Variants in RELB observed in about 807,000 individuals in gnomAD.
RELB encodes the protein transcription factor RelB.
A neutral mutation model predicts 55.4 loss-of-function variants in RELB; 14 were observed. That is an observed-to-expected ratio of 0.25 (90% CI 0.17 to 0.40). The LOEUF (loss-of-function observed/expected upper bound fraction) is 0.40. Ranked by LOEUF, RELB falls within the 10% of genes least tolerant of loss-of-function variation. RELB has a pLI of 1.00. For missense variants in RELB, 669 were observed against 830.7 expected, an observed-to-expected ratio of 0.81 and a Z score of 2.39; for synonymous variants, 409 against 371.3, an observed-to-expected ratio of 1.10 and a Z score of -1.17.
intron 2 of RELB, among the ~76,000 whole-genome samples, chr19:45,004,285 C>T (rs1002364369): frequency 6.8e-6 from 1 of 146,170 alleles, no homozygotes; most frequent in Non-Finnish European, 1.5e-5. Flanking sequence ...TACAATGGCG[C>T]GATCTCGGCT....
chr19:45,032,562 C>T lies in RELB; in HGVS notation c.1020C>T (p.Ala340=). Residue 340 remains alanine, a synonymous_variant, in exon 9 of 12, where the codon GCC becomes GCT. Coordinates refer to ENST00000221452, the MANE Select transcript of RELB (RefSeq NM_006509.4). The part of the protein sequence containing the change: ...KEDISVVFSR[A]SWEGRADFSQ... The stretch of plus-strand genomic sequence containing the variant: ...ACATATCAGTGGTGTTCAGCAGGGC[C>T]TCCTGGGAAGGTCGGGCTGACTTCT... The T allele has an allele frequency of 6.2e-7, 1 of 1,613,402 alleles. No homozygotes were observed. Among genetic ancestry groups the T allele is most frequent in the South Asian group, 1.1e-5 (1 of 90,876 alleles).
Position 45,011,937 on chromosome 19 carries a change from G to C in RELB, c.165G>C (p.Glu55Asp). The C allele has an allele frequency of 6.6e-7, 1 of 1,517,450 alleles. No homozygotes were observed. The highest frequency in any genetic ancestry group is 8.8e-7 in the Non-Finnish European group (1 of 1,137,536). 94.0% of individuals were successfully genotyped at this position (1,517,450 alleles called of 1,614,324 possible). Reference sequence around the variant, plus strand: ...CACCCGTTTTTTCTTCTCCCGCAGAGATCATCGACGAGTACATCAAGGAGA... The same window carrying C: ...CACCCGTTTTTTCTTCTCCCGCAGACATCATCGACGAGTACATCAAGGAGA... ...LAVSRSTDEL[E>D]IIDEYIKENG... The change falls in exon 4 of 12, where the codon GAG becomes GAC. Residue 55 changes from glutamate to aspartate, a missense_variant and splice_region_variant. Physicochemically the swap from Glu to Asp is conservative, Grantham distance 45. This residue lies in a region of RELB where 323 missense variants were observed against 368.5 expected (regional missense o/e 0.88). Transcript: ENST00000221452.
intron 2 of RELB, among the ~76,000 whole-genome samples, chr19:45,006,546 C>G (rs1290658023): frequency 6.6e-6 from 1 of 151,886 alleles, no homozygotes; most frequent in Non-Finnish European, 1.5e-5. Context: ...TATGCTGGAC[C>G]CTGGGGATAA....
intron 9 of RELB, among the ~76,000 whole-genome samples, chr19:45,033,258 G>A (rs543465688): frequency 6.6e-6 from 1 of 152,174 alleles, no homozygotes; most frequent in South Asian, 2.1e-4. Flanking sequence ...GCTGAGGACA[G>A]GAGGATGACT....
rs1417941092 is a variant in RELB, at chr19:45,011,954, T to C, written c.182T>C (p.Ile61Thr). ...TDELEIIDEYIKENGFGLDGG... is the reference protein window; with the variant it reads ...TDELEIIDEYTKENGFGLDGG... ...CCCGCAGAGATCATCGACGAGTACA[T>C]CAAGGAGAACGGCTTCGGCCTGGAC... is the stretch of plus-strand genomic sequence containing the variant. Residue 61 changes from isoleucine to threonine, a missense_variant, in exon 4 of 12, where the codon ATC becomes ACC. Physicochemically the swap from Ile to Thr is moderately conservative, Grantham distance 89 (BLOSUM62 -1). Around this residue, in one of 3 missense-constraint regions of RELB, gnomAD observed 323 missense variants for 368.5 expected, o/e 0.88. Coordinates refer to ENST00000221452, the MANE Select transcript of RELB (RefSeq NM_006509.4). The C allele has an allele frequency of 6.5e-7, 1 of 1,533,678 alleles. No homozygotes were observed.
At chr19:45,008,826 C>A (rs534373093) in intron 2 of RELB, 3 of 282,090 alleles carry the variant, frequency 1.1e-5, no homozygotes, top group Non-Finnish European at 2.2e-5. Flanking sequence ...GGCTCACTGG[C>A]GGCCTCTGGG....
chr19:45,037,919 C>G lies in RELB; in HGVS notation c.*129C>G. 2 of 954,182 alleles carry G rather than the reference C, an allele frequency of 2.1e-6. No homozygotes were observed. Among genetic ancestry groups the G allele is most frequent in the Non-Finnish European group, 2.9e-6 (2 of 698,978 alleles). The allele number at this position is 954,182 out of a possible 1,614,324, so 59.1% of individuals were successfully genotyped here. On this transcript the variant is annotated 3_prime_UTR_variant, in exon 12 of 12. Transcript: ENST00000221452. ...TGCTTCTGAAGTGGACATATTCAGC[C>G]TTGGCGAGAAGCTCCGTTGCACGGG...
At position 45,032,712 on chromosome 19, in the gene RELB, C is replaced by A; in HGVS notation, c.1170C>A (p.Ser390Arg). The change falls in exon 9 of 12, where the codon AGC (serine) becomes AGA (arginine). Residue 390 changes from serine (S) to arginine (R), a missense_variant. Coordinates refer to ENST00000221452, the MANE Select transcript of RELB (RefSeq NM_006509.4). ...AGCGGCTCACCGATGGGGTCTGCAG[C>A]GAGCCATTGCCTTTCACGTACCTGC... ...FLQRLTDGVCSEPLPFTYLPR... is the reference protein window; with the variant it reads ...FLQRLTDGVCREPLPFTYLPR... 6.2e-7 allele frequency: 1 copy of A among 1,607,838 alleles called. No individual in the cohort carries two copies. Among genetic ancestry groups the A allele is most frequent in the Admixed American group, 1.7e-5 (1 of 58,998 alleles).
At chr19:45,018,458 C>A (rs944048058) in intron 4 of RELB, among the ~76,000 whole-genome samples, 1 of 130,484 alleles carries the variant, frequency 7.7e-6, no homozygotes, top group Admixed American at 7.7e-5. Flanking sequence ...GTGGCAGGCA[C>A]CTGTAATCTT....
At chr19:45,026,575 A>G (rs150121789) in intron 7 of RELB, among the ~76,000 whole-genome samples, 84 of 152,196 alleles carry the variant, frequency 5.5e-4, no homozygotes, top group African/African-American at 2.0e-3. Flanking sequence ...TCAAACCCAA[A>G]ATGGAATCTT....
intron 11 of RELB, among the ~76,000 whole-genome samples, 170 bp from the exon 12 acceptor site, chr19:45,037,235 G>T (rs1244268801): frequency 2.0e-5 from 3 of 150,138 alleles, no homozygotes; most frequent in African/African-American, 7.4e-5. Context: ...TGAGCCAAGA[G>T]CACGTCATTG....
intron 11 of RELB, among the ~76,000 whole-genome samples, chr19:45,036,953 G>A (rs977119547): frequency 5.9e-5 from 9 of 151,514 alleles, no homozygotes; most frequent in Admixed American, 2.0e-4. Flanking sequence ...TGAGAATGGT[G>A]ATAGTCCCAC....
intron 11 of RELB, 94 bp from the exon 12 acceptor site, chr19:45,037,311 A>C: frequency 7.7e-7 from 1 of 1,300,156 alleles, no homozygotes; most frequent in Admixed American, 2.7e-5. Context: ...CCACCTTGAT[A>C]TCACATTTTG....
In RELB at chr19:45,012,229, C is replaced by G; in HGVS notation, c.457C>G (p.Leu153Val). Residue 153 changes from leucine to valine, a missense_variant, in exon 4 of 12, where the codon CTT (leucine) becomes GTT (valine). Leu to Val is a conservative substitution (Grantham distance 32). This residue lies in a region of RELB where 323 missense variants were observed against 368.5 expected (regional missense o/e 0.88). Coordinates refer to ENST00000221452, the MANE Select transcript of RELB (RefSeq NM_006509.4). ...ECEGRSAGSI[L>V]GESSTEASKT... The stretch of plus-strand genomic sequence containing the variant: ...CGAGGGCCGCTCGGCCGGCAGCATC[C>G]TTGGGGAGAGCAGCACCGAGGCCAG... The G allele has an allele frequency of 6.7e-7, 1 of 1,482,506 alleles. No homozygotes were observed. Among genetic ancestry groups the G allele is most frequent in the Non-Finnish European group, 8.8e-7 (1 of 1,131,534 alleles). 91.8% of individuals were successfully genotyped at this position (1,482,506 alleles called of 1,614,324 possible).
chr19:45,021,390 C>T (rs1319921513), intron 4 of RELB, among the ~76,000 whole-genome samples: 2 of 144,438 alleles, frequency 1.4e-5, no homozygotes, highest in Non-Finnish European at 3.0e-5. Context: ...AGGAGAATGG[C>T]GTGAACCCGC....
chr19:45,010,842 T>C (rs957368068), intron 3 of RELB, among the ~76,000 whole-genome samples: 15 of 151,584 alleles, frequency 9.9e-5, no homozygotes, highest in African/African-American at 3.6e-4. Context: ...CATACCTGGC[T>C]CATTTTTGTA....
chr19:45,022,544 C>A (rs1424027998), intron 5 of RELB, among the ~76,000 whole-genome samples: 1 of 126,692 alleles, frequency 7.9e-6, no homozygotes, highest in African/African-American at 2.9e-5. Flanking sequence ...CTTTACAATT[C>A]ATCTTTTTTT....
At chr19:45,015,645 G>A (rs954701124) in intron 4 of RELB, among the ~76,000 whole-genome samples, 8 of 151,682 alleles carry the variant, frequency 5.3e-5, no homozygotes, top group African/African-American at 1.9e-4. Context: ...TGAATGGGGA[G>A]GATTGCTTGA....
intron 4 of RELB, among the ~76,000 whole-genome samples, chr19:45,018,946 C>G (rs781161303): frequency 6.6e-6 from 1 of 152,092 alleles, no homozygotes; most frequent in Non-Finnish European, 1.5e-5. Flanking sequence ...CGTGAGCCAC[C>G]GCGCTCGGCT....
Sources: allele counts gnomAD v4.1 joint callset (sites outside exome capture counted in the v4.1 genomes callset), GRCh38; gene constraint gnomAD v4.1.1; regional missense constraint gnomAD v4.1.1; transcripts MANE v1.5; gene names NCBI Gene and HGNC (gene_info 2026-07-23, HGNC 2026-07-21).